The following TET3 variants were observed in gnomAD, a reference collection of about 807,000 sequenced individuals.
TET3 encodes the protein tet methylcytosine dioxygenase 3.
A neutral mutation model predicts 141.4 loss-of-function variants in TET3; 19 were observed. That is an observed-to-expected ratio of 0.13 (90% confidence interval 0.09 to 0.20). The LOEUF (loss-of-function observed/expected upper bound fraction) is 0.20. TET3 is among the 10% of genes least tolerant of loss of function. The pLI is 1.00. For synonymous variants in TET3, 1,043 were observed against 980.9 expected (o/e 1.06, Z -1.18); for missense variants, 1,874 against 2,356.9 (o/e 0.80, Z 4.24).
At chr2:74,031,676 T>C (rs141875952) in intron 3 of TET3, among the ~76,000 whole-genome samples, 19 of 152,328 alleles carry the variant, frequency 1.2e-4, no homozygotes, top group Admixed American at 4.6e-4. Flanking sequence ...AAGTTGATCT[T>C]GTGGCTGGTA....
At chr2:73,984,140 C>A (rs1214293184), upstream of TET3, among the ~76,000 whole-genome samples, 2 of 152,246 alleles carry the variant, frequency 1.3e-5, no homozygotes, top group Non-Finnish European at 2.9e-5. The surrounding 1 kb of genome is among the most constrained non-coding windows in gnomAD (Gnocchi z 5.6). Context: ...CTGTCCGAGG[C>A]CCTCCTGAAC....
At chr2:74,052,644 G>A (rs968843999) in intron 4 of TET3, among the ~76,000 whole-genome samples, 4 of 151,848 alleles carry the variant, frequency 2.6e-5, no homozygotes, top group African/African-American at 9.7e-5. Flanking sequence ...GGCAGAGGCG[G>A]GCAGATCATG....
At chr2:73,984,703 G>A (rs1303713309), upstream of TET3, among the ~76,000 whole-genome samples, 2 of 151,718 alleles carry the variant, frequency 1.3e-5, no homozygotes, top group African/African-American at 4.8e-5. The surrounding 1 kb of genome is among the most constrained non-coding windows in gnomAD (Gnocchi z 5.6). Context: ...AGCCACTGCA[G>A]GTGCAGAGAA....
At chr2:73,985,455 C>G (rs1302787878) in intron 1 of TET3, among the ~76,000 whole-genome samples, 2 of 143,284 alleles carry the variant, frequency 1.4e-5, no homozygotes, top group Non-Finnish European at 3.1e-5. Context: ...CGCCCCCCTC[C>G]CCGCGCCCCT....
At chr2:74,018,214 G>A (rs1685839190) in intron 3 of TET3, among the ~76,000 whole-genome samples, 1 of 152,130 alleles carries the variant, frequency 6.6e-6, no homozygotes, top group Non-Finnish European at 1.5e-5. Context: ...TGATCGGCCT[G>A]CCTTGGCCTC....
chr2:74,044,053 C>G (rs193053648), intron 3 of TET3, among the ~76,000 whole-genome samples: 52 of 152,106 alleles, frequency 3.4e-4, no homozygotes, highest in African/African-American at 1.3e-3. Context: ...GCATCAAGTC[C>G]TAGCTACTTG....
rs79144580 is a variant in TET3, at chr2:74,046,256, T to C, written c.361-22T>C. The C allele has an allele frequency of 4.7e-6, 7 of 1,475,230 alleles. No homozygotes were observed. Among genetic ancestry groups the C allele is most frequent in the Non-Finnish European group, 6.3e-6 (7 of 1,112,112 alleles). The allele number at this position is 1,475,230 out of a possible 1,614,324, so 91.4% of individuals were successfully genotyped here. A position where few individuals can be genotyped will look rare whatever the true frequency, so the allele number is the denominator to read the frequency against. ...TAGTGTGGTTCATTTTTTTCCTTTT[T>C]CCCCCTTCTCTCTCTCTTTAGACAG... On this transcript the variant is annotated intron_variant, in intron 3 of 11. Coordinates refer to ENST00000409262, the MANE Select transcript of TET3 (RefSeq NM_001287491.2). The surrounding 1 kb of genome is among the most constrained non-coding windows in gnomAD (Gnocchi z 4.3).
chr2:74,130,833 G>C, the TET3 span: 18 of 152,274 alleles, frequency 1.2e-4, no homozygotes, highest in African/African-American at 4.3e-4. Flanking sequence ...CGCAGGCCAC[G>C]TCGGGCCTGC....
In TET3 at chr2:74,093,189, C is replaced by T. The variant is rs1558787509; in HGVS notation, c.3129+198C>T. 1.3e-5 allele frequency among the ~76,000 whole-genome samples: 2 copies of T among 152,344 alleles called. No individual in the cohort carries two copies. The highest frequency in any genetic ancestry group is 4.1e-4 in the South Asian group (2 of 4,828). On this transcript the variant is annotated intron_variant, in intron 9 of 11. Transcript: ENST00000409262. The surrounding 1 kb of genome is among the most constrained non-coding windows in gnomAD (Gnocchi z 4.2). ...GCTACCTGCATCCCACACCGTCCCTCTTCTATCCTGGTCTTCTCCCTTCCC... is the reference window on the plus strand; with the variant it reads ...GCTACCTGCATCCCACACCGTCCCTTTTCTATCCTGGTCTTCTCCCTTCCC...
At chr2:74,049,634 G>A (rs1687832317) in intron 4 of TET3, among the ~76,000 whole-genome samples, 1 of 152,144 alleles carries the variant, frequency 6.6e-6, no homozygotes, top group South Asian at 2.1e-4. Context: ...CGGGTCTTGG[G>A]AAAAGGCTGT....
At chr2:74,017,538 C>T (rs1398670349) in intron 3 of TET3, among the ~76,000 whole-genome samples, 1 of 152,166 alleles carries the variant, frequency 6.6e-6, no homozygotes, top group Non-Finnish European at 1.5e-5. Context: ...ATCCTCCAAG[C>T]TCATCCATGT....
intron 3 of TET3, among the ~76,000 whole-genome samples, chr2:74,027,056 T>C (rs547439105): frequency 6.6e-6 from 1 of 152,238 alleles, no homozygotes; most frequent in Non-Finnish European, 1.5e-5. Context: ...TCACTTTCAC[T>C]TGTAACCCAG....
chr2:74,078,941 A>C (rs978549071), intron 5 of TET3, among the ~76,000 whole-genome samples: 4 of 152,258 alleles, frequency 2.6e-5, no homozygotes, highest in Non-Finnish European at 5.9e-5. Context: ...CACCCTTCAA[A>C]GTAAGGAAAT....
chr2:73,993,969 C>G (rs974258562), intron 2 of TET3, among the ~76,000 whole-genome samples: 3 of 151,856 alleles, frequency 2.0e-5, no homozygotes, highest in Admixed American at 6.6e-5. Flanking sequence ...AAGTAGTAGG[C>G]GAGTCAGATC....
At chr2:74,034,672 A>G (rs1485243106) in intron 3 of TET3, among the ~76,000 whole-genome samples, 1 of 151,096 alleles carries the variant, frequency 6.6e-6, no homozygotes, top group Non-Finnish European at 1.5e-5. Flanking sequence ...TCCATTGTCC[A>G]TTCTGTAGTT....
At chr2:74,002,492 G>C (rs1558700413) in intron 2 of TET3, among the ~76,000 whole-genome samples, 2 of 152,264 alleles carry the variant, frequency 1.3e-5, no homozygotes, top group East Asian at 3.9e-4. Flanking sequence ...AGGAGGCCGG[G>C]GGTGCCCTGG....
chr2:74,007,776 G>T (rs762779160), intron 3 of TET3, among the ~76,000 whole-genome samples: 1 of 152,208 alleles, frequency 6.6e-6, no homozygotes, highest in Non-Finnish European at 1.5e-5. Flanking sequence ...GTTTTTCTCA[G>T]ACTAAATCTG....
At chr2:74,019,495 T>C (rs2105234130) in intron 3 of TET3, among the ~76,000 whole-genome samples, 1 of 152,324 alleles carries the variant, frequency 6.6e-6, no homozygotes, top group East Asian at 1.9e-4. Flanking sequence ...ATATTGTCTG[T>C]ACCTCCGTGG....
chr2:74,101,702 G>C lies in TET3; in HGVS notation c.4914G>C (p.Leu1638=). ...GGGAEEEEEE[L]WSDSEHNFLD... is the part of the protein sequence containing the mutation. ...GTGCGGAGGAGGAAGAGGAGGAGCT[G>C]TGGTCGGACAGTGAACACAACTTCC... The change falls in exon 12 of 12, where the codon CTG becomes CTC. Residue 1638 remains leucine, a synonymous_variant. Coordinates refer to ENST00000409262, the MANE Select transcript of TET3 (RefSeq NM_001287491.2). This position sits in a 1 kb window ranked among gnomAD's most constrained non-coding sequence, Gnocchi z 8.5. The C allele has an allele frequency of 6.2e-7, 1 of 1,613,684 alleles. No homozygotes were observed. The highest frequency in any genetic ancestry group is 8.5e-7 in the Non-Finnish European group (1 of 1,179,894).
Sources: allele counts gnomAD v4.1 joint callset (sites outside exome capture counted in the v4.1 genomes callset), GRCh38; gene constraint gnomAD v4.1.1; non-coding constraint Gnocchi (gnomAD v3.1); transcripts MANE v1.5; gene names NCBI Gene and HGNC (gene_info 2026-07-23, HGNC 2026-07-21).